C8orf74: variants seen among roughly 807,000 people sequenced by gnomAD.
C8orf74 encodes uncharacterized protein C8orf74.
In C8orf74, 29 loss-of-function variants were observed where a neutral mutation model predicts 22.2. The ratio of observed to expected loss-of-function variants is 1.31; its 90% CI spans 0.97 to 1.78. The LOEUF is 1.78. Among genes scored for constraint, C8orf74 ranks in the 40% most tolerant of loss-of-function variants. C8orf74 has a pLI of 0.00. For missense variants in C8orf74, 515 were observed against 369.9 expected (o/e 1.39, Z -3.22); for synonymous variants, 255 against 163.1 (o/e 1.56, Z -4.30).
chr8:10,673,037 G>C (rs548281319), intron 1 of C8orf74, among the ~76,000 whole-genome samples: 2 of 152,266 alleles, frequency 1.3e-5, no homozygotes, highest in South Asian at 2.1e-4. Flanking sequence ...TGTTGGGGGA[G>C]GCTCTGCTGC....
intron 2 of C8orf74, among the ~76,000 whole-genome samples, chr8:10,697,127 G>C (rs78227073): frequency 0.021 from 3,126 of 152,252 alleles, 105 homozygotes; most frequent in African/African-American, 0.066. Flanking sequence ...CCTTTCAAAA[G>C]CTAATGCATG....
intron 2 of C8orf74, among the ~76,000 whole-genome samples, chr8:10,687,974 G>C (rs1799295990): frequency 6.6e-6 from 1 of 152,196 alleles, no homozygotes; most frequent in Non-Finnish European, 1.5e-5. Flanking sequence ...GGGAGGCCGA[G>C]GTGGGTGGAT....
chr8:10,684,733 C>G (rs1799224756), intron 2 of C8orf74, among the ~76,000 whole-genome samples: 1 of 152,194 alleles, frequency 6.6e-6, no homozygotes, highest in African/African-American at 2.4e-5. Context: ...TTCTTAGAAA[C>G]CTCAGCATAT....
intron 2 of C8orf74, chr8:10,686,658 C>T (rs922763212): frequency 1.9e-5 from 3 of 157,426 alleles, no homozygotes; most frequent in African/African-American, 7.2e-5. Flanking sequence ...GGATGGGAGA[C>T]CGCCCTGGAA....
Position 10,697,930 on chromosome 8 carries a change from G to C in C8orf74, c.573G>C (p.Leu191=), listed in dbSNP as rs1027644710. ...TGCTCCTGAAAGAGGCGCTGCGCCT[G>C]GAGCGGGAGAACTCGCTGCAGAAGG... ...DVLLLKEALR[L]ERENSLQKAF... is the part of the protein sequence containing the mutation. The change falls in exon 3 of 4, where the codon CTG becomes CTC. Residue 191 remains leucine (L), a synonymous_variant. Transcript: ENST00000304519. 1.6e-5 allele frequency: 26 copies of C among 1,590,762 alleles called. No homozygotes were observed. The highest frequency in any genetic ancestry group is 2.1e-5 in the Non-Finnish European group (25 of 1,168,830).
chr8:10,687,615 CA>C (rs374455264), intron 2 of C8orf74, among the ~76,000 whole-genome samples: 2,929 of 53,086 alleles, frequency 0.055, 15 homozygotes, highest in Non-Finnish European at 0.09. Flanking sequence ...GACTCCATCT[CA>C]AAAAAAAAAA....
intron 2 of C8orf74, among the ~76,000 whole-genome samples, chr8:10,686,239 G>C (rs888573198): frequency 2.0e-5 from 3 of 152,126 alleles, no homozygotes; most frequent in African/African-American, 7.2e-5. Flanking sequence ...ACTCTCCTTG[G>C]AGTTGGAGGA....
chr8:10,687,136 T>C (rs914072143), intron 2 of C8orf74: 15 of 456,126 alleles, frequency 3.3e-5, no homozygotes, highest in Non-Finnish European at 6.6e-5. Flanking sequence ...AGCAGAGGCC[T>C]GATGATGGCA....
Position 10,678,592 on chromosome 8 carries a change from T to A in C8orf74, c.241+3754T>A, listed in dbSNP as rs1216030717. Among the ~76,000 whole-genome samples, 60 of 130,956 alleles carry A rather than the reference T, an allele frequency of 4.6e-4. 2 individuals are homozygous for A. The highest frequency in any genetic ancestry group is 2.5e-3 in the South Asian group (10 of 4,054). 85.9% of individuals were successfully genotyped at this position (130,956 alleles called of 152,430 possible). A position where few individuals can be genotyped will look rare whatever the true frequency, so the allele number is the denominator to read the frequency against. On this transcript the variant is annotated intron_variant, in intron 2 of 3. Coordinates refer to ENST00000304519, the MANE Select transcript of C8orf74 (RefSeq NM_001040032.2). ...CCAGAGGCAGGACCAGGAAGTAATT[T>A]AAAAAAAAAAAAAAAAAAAGCAAAC...
intron 2 of C8orf74, among the ~76,000 whole-genome samples, chr8:10,678,525 G>C (rs981981758): frequency 7.3e-5 from 11 of 151,412 alleles, no homozygotes; most frequent in African/African-American, 2.7e-4. Flanking sequence ...CTCAGCCCCT[G>C]CACTGCCCCA....
chr8:10,682,253 C>T (rs1563157394), intron 2 of C8orf74, among the ~76,000 whole-genome samples: 1 of 152,234 alleles, frequency 6.6e-6, no homozygotes, highest in Non-Finnish European at 1.5e-5. Flanking sequence ...GAAGTCTCCA[C>T]AGCGGCCCTA....
intron 2 of C8orf74, among the ~76,000 whole-genome samples, chr8:10,676,683 CAG>C (rs1799039554): frequency 6.6e-6 from 1 of 152,148 alleles, no homozygotes; most frequent in Admixed American, 6.5e-5. Context: ...AGGCTGGACT[CAG>C]AGATTCTCGG....
intron 3 of C8orf74, 34 bp from the exon 4 acceptor site, chr8:10,700,201 A>C: frequency 6.9e-7 from 1 of 1,450,236 alleles, no homozygotes; most frequent in Non-Finnish European, 9.5e-7. Flanking sequence ...GAGGCTCCCC[A>C]GCCCTGCTCA....
chr8:10,679,611 C>T (rs1799105222), intron 2 of C8orf74, among the ~76,000 whole-genome samples: 1 of 152,234 alleles, frequency 6.6e-6, no homozygotes, highest in South Asian at 2.1e-4. Flanking sequence ...GTCCTTGGAT[C>T]GCATCACCCA....
chr8:10,686,601 C>T (rs991731594), intron 2 of C8orf74: 4 of 153,984 alleles, frequency 2.6e-5, no homozygotes, highest in Non-Finnish European at 5.8e-5. Flanking sequence ...ACATGCCTAT[C>T]TTGTCTAGTC....
rs772368255 is a variant in C8orf74 at position 10,697,745 on chromosome 8, G to C, written c.388G>C (p.Gly130Arg). The C allele has an allele frequency of 2.5e-6, 4 of 1,614,022 alleles. No individual in the cohort carries two copies. The South Asian group carries it at 4.4e-5, about 18-fold the overall frequency. The change falls in exon 3 of 4, where the codon GGC (glycine) becomes CGC (arginine). Residue 130 changes from glycine to arginine, a missense_variant. Coordinates refer to ENST00000304519, the MANE Select transcript of C8orf74 (RefSeq NM_001040032.2). ...RHYKLYQYVL[G>R]QDQQVDLTVA... ...CTACAAACTCTACCAGTATGTCCTG[G>C]GCCAGGACCAGCAGGTCGACCTGAC...
intron 2 of C8orf74, among the ~76,000 whole-genome samples, chr8:10,686,240 A>G (rs1799260297): frequency 6.6e-6 from 1 of 152,126 alleles, no homozygotes; most frequent in African/African-American, 2.4e-5. Context: ...CTCTCCTTGG[A>G]GTTGGAGGAT....
chr8:10,680,286 C>T (rs369139750), intron 2 of C8orf74, among the ~76,000 whole-genome samples: 2 of 152,204 alleles, frequency 1.3e-5, no homozygotes, highest in Non-Finnish European at 2.9e-5. Context: ...CGATAGTTTC[C>T]TCTCTGTGCC....
Position 10,700,524 on chromosome 8 carries a change from G to A in C8orf74, c.*53G>A, listed in dbSNP as rs760555295. The A allele has an allele frequency of 1.7e-6, 2 of 1,187,388 alleles. No homozygotes were observed. Among genetic ancestry groups the A allele is most frequent in the African/African-American group, 1.6e-5 (1 of 64,368 alleles). 73.6% of individuals were successfully genotyped at this position (1,187,388 alleles called of 1,614,324 possible). A position where few individuals can be genotyped will look rare whatever the true frequency, so the allele number is the denominator to read the frequency against. On this transcript the variant is annotated 3_prime_UTR_variant, in exon 4 of 4. Transcript: ENST00000304519. ...CTGGGGACCAGCCACCCATAACCAT[G>A]AGCCTTGCGGCACGGTGAGCTCAGC...
Sources: gnomAD v4.1 joint callset for allele counts (sites outside exome capture counted in the v4.1 genomes callset) on GRCh38, gnomAD v4.1.1 for gene constraint, MANE v1.5 for transcripts, NCBI Gene and HGNC (gene_info 2026-07-23, HGNC 2026-07-21) for gene names.